RPS6KA5: variants seen among roughly 807,000 people sequenced by gnomAD.
The protein encoded by RPS6KA5 is ribosomal protein S6 kinase alpha-5.
A neutral mutation model predicts 85.5 loss-of-function variants in RPS6KA5; 27 were observed. The ratio of observed to expected loss-of-function variants is 0.32; its 90% CI spans 0.23 to 0.44. RPS6KA5 has a LOEUF of 0.44. RPS6KA5 is among the 20% of genes least tolerant of loss of function. The pLI is 1.00. For synonymous variants in RPS6KA5, 334 were observed against 348.2 expected (o/e 0.96, Z 0.46); for missense variants, 811 against 980.9 (o/e 0.83, Z 2.31).
intron 3 of RPS6KA5, among the ~76,000 whole-genome samples, chr14:90,974,246 T>A (rs931559907): frequency 6.6e-6 from 1 of 152,142 alleles, no homozygotes; most frequent in African/African-American, 2.4e-5. Context: ...GTATTCCAGC[T>A]CAAAACGTTT....
chr14:90,905,749 G>A (rs2035461558), intron 8 of RPS6KA5, among the ~76,000 whole-genome samples: 1 of 152,120 alleles, frequency 6.6e-6, no homozygotes, highest in Non-Finnish European at 1.5e-5. Context: ...TATCTAAAAG[G>A]TGAAACATAG....
rs2032858729 is a variant in RPS6KA5 at position 90,867,683 on chromosome 14, T to C, written c.*4391A>G. 3.9e-5 allele frequency: 6 copies of C among 152,200 alleles called. No homozygotes were observed. Among genetic ancestry groups the C allele is most frequent in the Non-Finnish European group, 8.8e-5 (6 of 68,020 alleles). 9.4% of individuals were successfully genotyped at this position (152,200 alleles called of 1,614,324 possible). ...GACACAAAATCCTAGCTTTTTGTAA[T>C]GTGGTTAAAAGGAGTAATGGAAAAG... On this transcript the variant is annotated 3_prime_UTR_variant, in exon 17 of 17. Coordinates refer to ENST00000614987, the MANE Select transcript of RPS6KA5 (RefSeq NM_004755.4).
chr14:91,055,865 T>C (rs1374577229), intron 1 of RPS6KA5, among the ~76,000 whole-genome samples: 1 of 152,198 alleles, frequency 6.6e-6, no homozygotes, highest in Admixed American at 6.5e-5. Flanking sequence ...CTGCCTGTCA[T>C]GAGAATGCTC....
intron 5 of RPS6KA5, among the ~76,000 whole-genome samples, chr14:90,926,541 G>T (rs759461014): frequency 6.6e-6 from 1 of 151,968 alleles, no homozygotes; most frequent in Non-Finnish European, 1.5e-5. Flanking sequence ...CTTGAGTGGT[G>T]GTTACAAGGG....
rs1214570142 is a variant in RPS6KA5, at chr14:90,860,506, C to G, written c.*11568G>C. On this transcript the variant is annotated 3_prime_UTR_variant, in exon 17 of 17. Transcript: ENST00000614987. ...CCAAGATTGTGCCACTGCACTCCAGCCTGGGTGACAGAGTGAGACTTGGTC... is the reference window on the plus strand; with the variant it reads ...CCAAGATTGTGCCACTGCACTCCAGGCTGGGTGACAGAGTGAGACTTGGTC... 6.6e-6 allele frequency: 1 copy of G among 151,958 alleles called. No individual in the cohort carries two copies. The highest frequency in any genetic ancestry group is 2.4e-5 in the African/African-American group (1 of 41,320). 9.4% of individuals were successfully genotyped at this position (151,958 alleles called of 1,614,324 possible).
intron 7 of RPS6KA5, among the ~76,000 whole-genome samples, chr14:90,908,557 T>C (rs2035636541): frequency 6.6e-6 from 1 of 152,180 alleles, no homozygotes; most frequent in South Asian, 2.1e-4. Flanking sequence ...TCCTCAGTGA[T>C]GTGAGGAGGT....
chr14:90,953,920 C>T (rs2038362952), intron 3 of RPS6KA5, among the ~76,000 whole-genome samples: 1 of 152,132 alleles, frequency 6.6e-6, no homozygotes, highest in South Asian at 2.1e-4. Flanking sequence ...CTGAGTTTGC[C>T]CTTGTCCTGT....
intron 7 of RPS6KA5, among the ~76,000 whole-genome samples, chr14:90,908,833 T>A (rs566283238): frequency 6.6e-6 from 1 of 152,284 alleles, no homozygotes; most frequent in South Asian, 2.1e-4. Flanking sequence ...TGCAGGCCCC[T>A]GGAAGCCATG....
At chr14:90,906,042 T>C in intron 8 of RPS6KA5, 107 bp downstream of exon 8, 1 of 1,110,652 alleles carries the variant, frequency 9.0e-7, no homozygotes, top group Admixed American at 2.4e-5. Flanking sequence ...AAAATGCCAG[T>C]GGAAAATGAT....
At chr14:91,012,082 T>C (rs1193974544) in intron 1 of RPS6KA5, among the ~76,000 whole-genome samples, 2 of 152,198 alleles carry the variant, frequency 1.3e-5, no homozygotes, top group Non-Finnish European at 2.9e-5. Context: ...TTTCAGTTAC[T>C]TGACAGATTT....
chr14:90,944,763 A>G (rs2037779597), intron 4 of RPS6KA5, among the ~76,000 whole-genome samples: 1 of 151,350 alleles, frequency 6.6e-6, no homozygotes, highest in Non-Finnish European at 1.5e-5. Context: ...CTCAAAAAAA[A>G]AAAAAATTAG....
chr14:90,909,198 G>C (rs2035672732), intron 7 of RPS6KA5, among the ~76,000 whole-genome samples: 1 of 152,200 alleles, frequency 6.6e-6, no homozygotes, highest in Non-Finnish European at 1.5e-5. Flanking sequence ...ATTTAGTCAT[G>C]ACAATACTAG....
In RPS6KA5 at chr14:90,884,793, T is replaced by C. The variant is rs576435745; in HGVS notation, c.1836+5694A>G. Among the ~76,000 whole-genome samples the C allele has an allele frequency of 2.0e-5, 3 of 152,290 alleles. 1 individual carries two copies. In the South Asian group the frequency reaches 6.2e-4, roughly 32 times the overall value. ...GCTGTTATATATCTTCTTATACATG[T>C]CTTTGTTACAGAAATATACATATTT... On this transcript the variant is annotated intron_variant, in intron 14 of 16. Coordinates refer to ENST00000614987, the MANE Select transcript of RPS6KA5 (RefSeq NM_004755.4).
At chr14:91,029,083 C>T (rs8022176) in intron 1 of RPS6KA5, among the ~76,000 whole-genome samples, 107,482 of 152,084 alleles carry the variant, frequency 0.71, 38,120 homozygotes, top group East Asian at 0.87. Context: ...GATGATAGCA[C>T]GTTGATAAAC....
At chr14:91,000,397 G>T (rs1431003281) in intron 2 of RPS6KA5, among the ~76,000 whole-genome samples, 1 of 152,168 alleles carries the variant, frequency 6.6e-6, no homozygotes, top group East Asian at 1.9e-4. Flanking sequence ...CGTTCATTGA[G>T]TATCAACTGA....
At chr14:91,038,423 AG>A (rs1566894746) in intron 1 of RPS6KA5, among the ~76,000 whole-genome samples, 2 of 152,258 alleles carry the variant, frequency 1.3e-5, no homozygotes, top group Non-Finnish European at 2.9e-5. Context: ...AATAGAAAAA[AG>A]TAAGAATAGA....
Position 90,978,505 on chromosome 14 carries a change from T to C in RPS6KA5, c.195A>G (p.Leu65=), listed in dbSNP as rs755162250. Residue 65 remains leucine, a synonymous_variant, in exon 3 of 17, where the codon CTA becomes CTG. Transcript: ENST00000614987. ...LGTGAYGKVF[L]VRKISGHDTG... is the part of the protein sequence containing the mutation. The stretch of plus-strand genomic sequence containing the variant: ...TATCATGGCCACTTATTTTACGAAC[T>C]AGAAATACTTTTCCATAAGCTGAAA... The C allele has an allele frequency of 5.0e-6, 8 of 1,588,518 alleles. No individual in the cohort carries two copies. The highest frequency in any genetic ancestry group is 1.7e-4 in the Middle Eastern group (1 of 5,978).
At chr14:90,887,571 C>G (rs1012642832) in intron 14 of RPS6KA5, among the ~76,000 whole-genome samples, 2 of 152,008 alleles carry the variant, frequency 1.3e-5, no homozygotes, top group African/African-American at 2.4e-5. Flanking sequence ...CATTCAACAT[C>G]TAATCAATAT....
chr14:90,978,487 G>A lies in RPS6KA5; in HGVS notation c.213C>T (p.Gly71=), dbSNP rs2039658857. 1 of 1,601,778 alleles carries A rather than the reference G, an allele frequency of 6.2e-7. No homozygotes were observed. The highest frequency in any genetic ancestry group is 8.5e-7 in the Non-Finnish European group (1 of 1,175,834). The change falls in exon 3 of 17, where the codon GGC becomes GGT. Residue 71 remains glycine (G), a synonymous_variant. Transcript: ENST00000614987. Reference sequence around the variant, plus strand: ...TGGCATACAGCTTTCCAGTATCATGGCCACTTATTTTACGAACTAGAAATA... The same window carrying A: ...TGGCATACAGCTTTCCAGTATCATGACCACTTATTTTACGAACTAGAAATA... ...GKVFLVRKIS[G]HDTGKLYAMK... is the part of the protein sequence containing the mutation.
Sources: gnomAD v4.1 joint callset for allele counts (sites outside exome capture counted in the v4.1 genomes callset) on GRCh38, gnomAD v4.1.1 for gene constraint, MANE v1.5 for transcripts, NCBI Gene and HGNC (gene_info 2026-07-23, HGNC 2026-07-21) for gene names.